CACNB4: variants seen among roughly 807,000 people sequenced by gnomAD.
CACNB4 encodes the protein voltage-dependent L-type calcium channel subunit beta-4.
In CACNB4, 32 loss-of-function variants were observed where a neutral mutation model predicts 71.2. The observed-to-expected ratio is 0.45, with a 90% CI of 0.34 to 0.60. The LOEUF (loss-of-function observed/expected upper bound fraction) is 0.60, where lower values mean the gene tolerates loss of function less well. Ranked by LOEUF, CACNB4 falls within the 20% of genes least tolerant of loss-of-function variation. The pLI is 0.01. For synonymous variants in CACNB4, 231 were observed against 236.9 expected (o/e 0.97, Z 0.23); for missense variants, 464 against 647.9 (o/e 0.72, Z 3.08).
At chr2:151,962,695 AATTTTATGTTC>A (rs2099869969) in intron 2 of CACNB4, 1 of 152,252 alleles carries the variant, frequency 6.6e-6, no homozygotes, top group Non-Finnish European at 1.5e-5. Flanking sequence ...CTAGCATTGA[AATTTTATGTTC>A]ATTTAAGTTT....
At chr2:151,895,257 A>G (rs2099851767) in intron 2 of CACNB4, among the ~76,000 whole-genome samples, 1 of 151,628 alleles carries the variant, frequency 6.6e-6, no homozygotes, top group Admixed American at 6.6e-5. Context: ...AAACAGATAC[A>G]TGTTATCCAC....
chr2:151,964,897 C>A (rs1023166805), intron 2 of CACNB4, among the ~76,000 whole-genome samples: 39 of 152,040 alleles, frequency 2.6e-4, no homozygotes, highest in African/African-American at 8.9e-4. Flanking sequence ...TCTGCAATAT[C>A]CTAGCACTTC....
At chr2:151,842,724 T>C (rs919634535) in intron 12 of CACNB4, among the ~76,000 whole-genome samples, 1 of 152,300 alleles carries the variant, frequency 6.6e-6, no homozygotes, top group African/African-American at 2.4e-5. Flanking sequence ...TTCACATCTT[T>C]AGCCATGTAT....
chr2:151,965,855 T>C (rs2099870959), intron 2 of CACNB4, among the ~76,000 whole-genome samples: 1 of 152,222 alleles, frequency 6.6e-6, no homozygotes, highest in Non-Finnish European at 1.5e-5. Context: ...TTTTGGCTTC[T>C]AGAATTAAAA....
At chr2:151,898,766 C>T (rs1296002725) in intron 2 of CACNB4, among the ~76,000 whole-genome samples, 1 of 152,148 alleles carries the variant, frequency 6.6e-6, no homozygotes, top group African/African-American at 2.4e-5. Context: ...AATTCACAAA[C>T]CATATGCATA....
At position 152,085,517 on chromosome 2, in the gene CACNB4, GA is replaced by G. The variant is rs1687608705; in HGVS notation, c.147+12812del. 4.6e-5 allele frequency among the ~76,000 whole-genome samples: 7 copies of G among 152,218 alleles called. 1 individual carries two copies. The South Asian group carries it at 1.5e-3, about 32-fold the overall frequency. ...GTGTGAAAACAAGTATCTGGGGGCA[GA>G]ACTACCCCTGGGCAGCCTCATCCTC... On this transcript the variant is annotated intron_variant, in intron 2 of 13. Transcript: ENST00000539935.
intron 5 of CACNB4, among the ~76,000 whole-genome samples, chr2:151,875,939 A>C (rs1382271941): frequency 2.7e-3 from 15 of 5,580 alleles, no homozygotes; most frequent in South Asian, 7.7e-3. Context: ...GGCACCCCTC[A>C]CCTCCCGGAC....
At chr2:152,031,525 C>T (rs1380894799) in intron 2 of CACNB4, among the ~76,000 whole-genome samples, 5 of 152,182 alleles carry the variant, frequency 3.3e-5, no homozygotes, top group Non-Finnish European at 7.3e-5. Context: ...GGCCCCTCTG[C>T]AGCACAACCT....
intron 2 of CACNB4, among the ~76,000 whole-genome samples, chr2:151,997,548 G>A (rs937992807): frequency 2.0e-5 from 3 of 151,546 alleles, no homozygotes; most frequent in Non-Finnish European, 4.4e-5. Context: ...AAAAAGAGAC[G>A]AAGGGGACAA....
intron 2 of CACNB4, among the ~76,000 whole-genome samples, chr2:152,024,350 G>C (rs955895001): frequency 6.6e-6 from 1 of 152,120 alleles, no homozygotes. Flanking sequence ...ACCAGTTCAA[G>C]GTAAATTGAG....
At chr2:151,910,777 A>G (rs971413705) in intron 2 of CACNB4, among the ~76,000 whole-genome samples, 1 of 152,114 alleles carries the variant, frequency 6.6e-6, no homozygotes, top group African/African-American at 2.4e-5. Context: ...TCTTGGCTAT[A>G]TGGGGTCTTC....
intron 9 of CACNB4, chr2:151,861,387 A>G (rs1173215362): frequency 6.6e-6 from 1 of 152,332 alleles, no homozygotes; most frequent in Non-Finnish European, 1.5e-5. Flanking sequence ...AGAATGTGAA[A>G]AAATGGTTTT....
At chr2:152,031,688 C>G (rs1364979098) in intron 2 of CACNB4, among the ~76,000 whole-genome samples, 1 of 152,168 alleles carries the variant, frequency 6.6e-6, no homozygotes, top group South Asian at 2.1e-4. Flanking sequence ...CATTAATCCT[C>G]GGATTTCAGA....
intron 2 of CACNB4, chr2:151,968,522 C>T (rs2099871725): frequency 6.6e-6 from 1 of 152,134 alleles, no homozygotes; most frequent in Non-Finnish European, 1.5e-5. Context: ...CCTTGTTCAC[C>T]TGGGTAAGAG....
intron 11 of CACNB4, 51 bp downstream of exon 11, chr2:151,855,173 C>G: frequency 1.5e-6 from 2 of 1,354,120 alleles, no homozygotes; most frequent in Non-Finnish European, 2.0e-6. Flanking sequence ...GAGCAAAACA[C>G]ATTTTTAAAA....
chr2:152,061,398 A>C (rs912711709), intron 2 of CACNB4, among the ~76,000 whole-genome samples: 6 of 152,198 alleles, frequency 3.9e-5, no homozygotes, highest in African/African-American at 1.4e-4. Context: ...AATTTAGCAA[A>C]TGATTACTAA....
intron 4 of CACNB4, among the ~76,000 whole-genome samples, chr2:151,878,550 T>TATACACACAC (rs1553758243): frequency 7.7e-6 from 1 of 129,878 alleles, no homozygotes; most frequent in Non-Finnish European, 1.6e-5. Context: ...AGACCCTGTC[T>TATACACACAC]ACACACACAC....
chr2:151,990,972 A>G (rs1180829137), intron 2 of CACNB4, among the ~76,000 whole-genome samples: 1 of 152,258 alleles, frequency 6.6e-6, no homozygotes, highest in Non-Finnish European at 1.5e-5. Flanking sequence ...ATTATCCAGC[A>G]GGAACAAATT....
intron 2 of CACNB4, among the ~76,000 whole-genome samples, chr2:152,055,644 A>T (rs554777181): frequency 2.0e-5 from 3 of 152,310 alleles, no homozygotes; most frequent in African/African-American, 7.2e-5. Context: ...TGAACACTGC[A>T]AAGTCTAGAT....
Sources: gnomAD v4.1 joint callset for allele counts (sites outside exome capture counted in the v4.1 genomes callset) on GRCh38, gnomAD v4.1.1 for gene constraint, MANE v1.5 for transcripts, NCBI Gene and HGNC (gene_info 2026-07-23, HGNC 2026-07-21) for gene names.